NUP214: variants seen among roughly 807,000 people sequenced by gnomAD.
NUP214 encodes the protein nucleoporin 214.
NUP214 carries 79 observed loss-of-function variants against 196.2 expected under a neutral mutation model. The observed-to-expected ratio is 0.40, with a 90% CI of 0.34 to 0.49. The LOEUF (loss-of-function observed/expected upper bound fraction) is 0.49. NUP214 is among the 20% of genes least tolerant of loss of function. The pLI, the probability that NUP214 is intolerant of heterozygous loss-of-function variation, is 0.58. For missense variants in NUP214, 2,468 were observed against 2,539.0 expected (o/e 0.97, Z 0.60); for synonymous variants, 1,020 against 990.5 (o/e 1.03, Z -0.56).
chr9:131,182,378 T>C (rs528791164), intron 24 of NUP214, among the ~76,000 whole-genome samples: 2 of 152,368 alleles, frequency 1.3e-5, no homozygotes, highest in East Asian at 3.9e-4. Context: ...CTCCACCTCC[T>C]GTCAGATCAG....
chr9:131,203,821 A>G (rs1014351315), intron 30 of NUP214, among the ~76,000 whole-genome samples: 7 of 152,250 alleles, frequency 4.6e-5, no homozygotes, highest in African/African-American at 1.7e-4. Context: ...CCCAGAAGCC[A>G]GTTGTGCCCT....
At chr9:131,147,414 G>C in intron 13 of NUP214, 76 bp from the exon 14 acceptor site, 1 of 1,108,736 alleles carries the variant, frequency 9.0e-7, no homozygotes, top group Non-Finnish European at 1.3e-6. Context: ...TCTTAGATTT[G>C]GAGAAAGGAC....
At position 131,144,520 on chromosome 9, in the gene NUP214, C is replaced by T; in HGVS notation, c.1535C>T (p.Ala512Val). ...AGTGGCTCCGACAGCTCCAAAGCAG[C>T]CCCAGGCCCTGGCCCATCAACCTTC... Reference protein sequence around the residue: ...YSSGSDSSKAAPGPGPSTFSF... With the variant: ...YSSGSDSSKAVPGPGPSTFSF... Residue 512 changes from alanine to valine, a missense_variant, in exon 12 of 36, where the codon GCC (alanine) becomes GTC (valine). Ala to Val is a moderately conservative substitution (Grantham distance 64). Around this residue, in one of 5 missense-constraint regions of NUP214, gnomAD observed 1,801 missense variants for 1,779.4 expected, o/e 1.01. Transcript: ENST00000359428. 6.2e-7 allele frequency: 1 copy of T among 1,614,128 alleles called. No individual in the cohort carries two copies. Among genetic ancestry groups the T allele is most frequent in the Non-Finnish European group, 8.5e-7 (1 of 1,179,992 alleles).
chr9:131,168,105 A>G (rs575515257), intron 21 of NUP214, among the ~76,000 whole-genome samples: 20 of 152,148 alleles, frequency 1.3e-4, no homozygotes, highest in African/African-American at 4.6e-4. Context: ...GCTCAGGCTG[A>G]TCTTGAACTC....
At chr9:131,231,912 C>CA (rs900440054) in intron 34 of NUP214, among the ~76,000 whole-genome samples, 3,759 of 43,056 alleles carry the variant, frequency 0.087, 89 homozygotes, top group African/African-American at 0.12. Context: ...ACAACAACAG[C>CA]AAAAAAAAAA....
At chr9:131,142,209 A>G (rs1831938515) in intron 11 of NUP214, among the ~76,000 whole-genome samples, 1 of 152,212 alleles carries the variant, frequency 6.6e-6, no homozygotes, top group Admixed American at 6.5e-5. Flanking sequence ...TGTGTCTGTA[A>G]TAAGCAGAGC....
intron 34 of NUP214, 92 bp downstream of exon 34, chr9:131,230,861 G>A: frequency 1.4e-6 from 2 of 1,428,086 alleles, no homozygotes; most frequent in South Asian, 2.6e-5. Flanking sequence ...TGACCAGTCT[G>A]TTTAGTATTT....
Position 131,146,886 on chromosome 9 carries a change from C to T in NUP214, c.1945+582C>T, listed in dbSNP as rs567637356. 5.3e-5 allele frequency among the ~76,000 whole-genome samples: 8 copies of T among 151,138 alleles called. No individual in the cohort carries two copies. The highest frequency in any genetic ancestry group is 4.2e-4 in the South Asian group (2 of 4,780). On this transcript the variant is annotated intron_variant, in intron 13 of 35. Transcript: ENST00000359428. The surrounding 1 kb of genome is among the most constrained non-coding windows in gnomAD (Gnocchi z 4.6). ...CAGAGATTGCAGGGAGTCGAGATCA[C>T]GCCACTGCTCTCCAGCCTGGCGACA...
Position 131,198,373 on chromosome 9 carries a change from G to A in NUP214, c.4879G>A (p.Gly1627Ser), listed in dbSNP as rs752129817. Residue 1627 changes from glycine to serine, a missense_variant, in exon 29 of 36, where the codon GGC (glycine) becomes AGC (serine). Coordinates refer to ENST00000359428, the MANE Select transcript of NUP214 (RefSeq NM_005085.4). The part of the protein sequence containing the change: ...ASSTTSIVAP[G>S]PSAEAAAFGT... ...CAGCACCACGTCCATTGTTGCTCCCGGCCCATCTGCAGAGGCAGCAGCATT... is the reference window on the plus strand; with the variant it reads ...CAGCACCACGTCCATTGTTGCTCCCAGCCCATCTGCAGAGGCAGCAGCATT... 3.0e-5 allele frequency: 48 copies of A among 1,614,054 alleles called. No homozygotes were observed. Among genetic ancestry groups the A allele is most frequent in the East Asian group, 4.5e-5 (2 of 44,896 alleles).
At chr9:131,199,127 T>C in intron 29 of NUP214, 112 bp downstream of exon 29, 1 of 1,324,562 alleles carries the variant, frequency 7.5e-7, no homozygotes, top group Non-Finnish European at 1.0e-6. Flanking sequence ...CCAAAAATAA[T>C]CTGTAGGTTA....
At chr9:131,173,355 C>CTTTTTTTTTTT (rs10706351) in intron 21 of NUP214, among the ~76,000 whole-genome samples, 1 of 38,164 alleles carries the variant, frequency 2.6e-5, no homozygotes, top group Non-Finnish European at 4.7e-5. Flanking sequence ...TGCACCCAGC[C>CTTTTTTTTTTT]TTTTTTTTTT....
chr9:131,211,376 A>G (rs1410138914), intron 30 of NUP214, among the ~76,000 whole-genome samples: 2 of 152,156 alleles, frequency 1.3e-5, no homozygotes, highest in Admixed American at 1.3e-4. Flanking sequence ...ATTGCTTGCT[A>G]TGTCTCTTAA....
At chr9:131,129,581 T>C (rs1198241534) in intron 4 of NUP214, 104 bp downstream of exon 4, 8 of 1,174,414 alleles carry the variant, frequency 6.8e-6, no homozygotes, top group Non-Finnish European at 9.9e-6. Context: ...TTTGGTTTTT[T>C]TTTTCATGAC....
chr9:131,135,190 A>G (rs772020486), intron 8 of NUP214, 186 bp downstream of exon 8: 1 of 524,890 alleles, frequency 1.9e-6, no homozygotes, highest in Non-Finnish European at 3.4e-6. Context: ...CCCAGGCTCA[A>G]GTGATCCTTC....
chr9:131,132,588 T>G lies in NUP214; in HGVS notation c.664-8T>G, dbSNP rs190810532. On this transcript the variant is annotated splice_polypyrimidine_tract_variant and splice_region_variant and intron_variant, in intron 5 of 35. Transcript: ENST00000359428. Reference sequence around the variant, plus strand: ...GATACTTTATTTTCCCCTCCAAATCTCTTTCAGACTTTGCAGGAAAAAAAA... The same window carrying G: ...GATACTTTATTTTCCCCTCCAAATCGCTTTCAGACTTTGCAGGAAAAAAAA... 6 of 1,612,188 alleles carry G rather than the reference T, an allele frequency of 3.7e-6. No individual in the cohort carries two copies. The East Asian group carries it at 1.3e-4, about 36-fold the overall frequency.
Position 131,159,440 on chromosome 9 carries a change from C to T in NUP214, c.2494C>T (p.Leu832=). 1 of 1,614,056 alleles carries T rather than the reference C, an allele frequency of 6.2e-7. No homozygotes were observed. Among genetic ancestry groups the T allele is most frequent in the Non-Finnish European group, 8.5e-7 (1 of 1,179,976 alleles). ...TGCTGTCCAAGATGTGAATGATGTT[C>T]TAGACTTGGAGTGGGATCAGCATCT... ...KFAVQDVNDV[L]DLEWDQHLEQ... The change falls in exon 18 of 36, where the codon CTA becomes TTA. Residue 832 remains leucine, a synonymous_variant. Coordinates refer to ENST00000359428, the MANE Select transcript of NUP214 (RefSeq NM_005085.4).
At chr9:131,128,051 T>A (rs1345031911) in intron 2 of NUP214, among the ~76,000 whole-genome samples, 1 of 152,214 alleles carries the variant, frequency 6.6e-6, no homozygotes, top group Non-Finnish European at 1.5e-5. Context: ...TGATCCAAAC[T>A]ATTGGCAAGG....
In NUP214 at chr9:131,125,809, G is replaced by C; in HGVS notation, c.45+60G>C. 1 of 1,539,494 alleles carries C rather than the reference G, an allele frequency of 6.5e-7. No individual in the cohort carries two copies. Among genetic ancestry groups the C allele is most frequent in the Non-Finnish European group, 8.8e-7 (1 of 1,137,234 alleles). On this transcript the variant is annotated intron_variant, in intron 1 of 35. Transcript: ENST00000359428. This position sits in a 1 kb window ranked among gnomAD's most constrained non-coding sequence, Gnocchi z 4.1. Reference sequence around the variant, plus strand: ...AGTCCTGGCGTTGCCTTGGAGCCCAGCTGAAAGGCGAAGCGCGGTGCTGGC... The same window carrying C: ...AGTCCTGGCGTTGCCTTGGAGCCCACCTGAAAGGCGAAGCGCGGTGCTGGC...
chr9:131,216,283 GGC>G (rs1385082473), intron 31 of NUP214, among the ~76,000 whole-genome samples: 1 of 149,206 alleles, frequency 6.7e-6, no homozygotes, highest in Admixed American at 6.7e-5. Flanking sequence ...GGAGTGCAGT[GGC>G]GTGATCTTGG....
Sources: gnomAD v4.1 joint callset for allele counts (sites outside exome capture counted in the v4.1 genomes callset) on GRCh38, gnomAD v4.1.1 for gene constraint, gnomAD v4.1.1 regional missense constraint, Gnocchi (gnomAD v3.1) non-coding constraint, MANE v1.5 for transcripts, NCBI Gene and HGNC (gene_info 2026-07-23, HGNC 2026-07-21) for gene names.